Variants in ADGRD1 observed in about 807,000 individuals in gnomAD.
ADGRD1 encodes the protein adhesion G protein-coupled receptor D1, also known as G-protein coupled receptor 133.
In ADGRD1, 77 loss-of-function variants were observed where a neutral mutation model predicts 113.4. That is an observed-to-expected ratio of 0.68 (90% confidence interval 0.57 to 0.82). ADGRD1 has a LOEUF of 0.82. Among genes scored for constraint, ADGRD1 ranks in the 40% least tolerant of loss-of-function variants. The pLI, the probability that ADGRD1 is intolerant of heterozygous loss-of-function variation, is 0.00. For synonymous variants in ADGRD1, 474 were observed against 475.0 expected (o/e 1.00, Z 0.03); for missense variants, 1,036 against 1,139.1 (o/e 0.91, Z 1.30).
chr12:131,011,931 G>A (rs1877959968), intron 12 of ADGRD1, among the ~76,000 whole-genome samples: 1 of 152,218 alleles, frequency 6.6e-6, no homozygotes, highest in Admixed American at 6.5e-5. Context: ...TGCTGAGTGA[G>A]TCAGGCTGGG....
chr12:131,078,196 A>G (rs1885791796), intron 14 of ADGRD1, among the ~76,000 whole-genome samples: 1 of 152,228 alleles, frequency 6.6e-6, no homozygotes, highest in South Asian at 2.1e-4. Flanking sequence ...AGATTGCAAG[A>G]CGCTGAGCTG....
At chr12:131,114,969 T>G (rs936035209) in intron 18 of ADGRD1, among the ~76,000 whole-genome samples, 16 of 152,204 alleles carry the variant, frequency 1.1e-4, no homozygotes, top group African/African-American at 3.6e-4. Context: ...TTATTGCAAC[T>G]TAGTTTCTTT....
intron 13 of ADGRD1, among the ~76,000 whole-genome samples, chr12:131,067,497 C>G (rs1239737977): frequency 6.6e-6 from 1 of 152,112 alleles, no homozygotes; most frequent in Non-Finnish European, 1.5e-5. Context: ...TGCCCTCTGC[C>G]TCCTATATGT....
chr12:131,000,145 G>A (rs1219470348), intron 8 of ADGRD1, among the ~76,000 whole-genome samples: 4 of 152,228 alleles, frequency 2.6e-5, no homozygotes, highest in African/African-American at 4.8e-5. Flanking sequence ...TCATTCTGAC[G>A]TTCCGGTGCT....
At chr12:131,124,060 A>C (rs184248315) in intron 20 of ADGRD1, among the ~76,000 whole-genome samples, 2 of 152,148 alleles carry the variant, frequency 1.3e-5, no homozygotes, top group African/African-American at 4.8e-5. Context: ...AGGCATATCA[A>C]CCTCTGGGCC....
At chr12:131,023,790 G>T (rs1879613498) in intron 13 of ADGRD1, 1 of 152,130 alleles carries the variant, frequency 6.6e-6, no homozygotes, top group Admixed American at 6.5e-5. Flanking sequence ...TCCTGCAGTG[G>T]GCGGTCCAGC....
chr12:131,120,903 T>G lies in ADGRD1; in HGVS notation c.2165T>G (p.Phe722Cys). Reference sequence around the variant, plus strand: ...TGGGCCTTTGTAGCCCCTGCCCTGTTTGTCATCGTGGTACGTTTCCTACCC... The same window carrying G: ...TGGGCCTTTGTAGCCCCTGCCCTGTGTGTCATCGTGGTACGTTTCCTACCC... ...AIWAFVAPAL[F>C]VIVVNIGILI... is the part of the protein sequence containing the mutation. Residue 722 changes from phenylalanine (F) to cysteine (C), a missense_variant, in exon 20 of 25, where the codon TTT becomes TGT. Phe to Cys is a radical substitution (Grantham distance 205, BLOSUM62 -2). Coordinates refer to ENST00000261654, the MANE Select transcript of ADGRD1 (RefSeq NM_198827.5). 1 of 1,614,142 alleles carries G rather than the reference T, an allele frequency of 6.2e-7. No homozygotes were observed. The highest frequency in any genetic ancestry group is 1.1e-5 in the South Asian group (1 of 91,072).
chr12:131,050,052 C>T lies in ADGRD1; in HGVS notation c.1474-26749C>T, dbSNP rs995229534. Among the ~76,000 whole-genome samples, 1 of 152,212 alleles carries T rather than the reference C, an allele frequency of 6.6e-6. No homozygotes were observed. Among genetic ancestry groups the T allele is most frequent in the Non-Finnish European group, 1.5e-5 (1 of 68,046 alleles). ...TGGGAAACTGGGCACGAATGCTTCTCTTGCATAGTGCTTGGCACATAGATT... is the reference window on the plus strand; with the variant it reads ...TGGGAAACTGGGCACGAATGCTTCTTTTGCATAGTGCTTGGCACATAGATT... On this transcript the variant is annotated intron_variant, in intron 13 of 24. Transcript: ENST00000261654. The surrounding 1 kb of genome is among the most constrained non-coding windows in gnomAD (Gnocchi z 4.8).
rs1873387559 is a variant in ADGRD1 at position 130,984,512 on chromosome 12, A to T, written c.490+2449A>T. 6.6e-6 allele frequency among the ~76,000 whole-genome samples: 1 copy of T among 152,180 alleles called. No individual in the cohort carries two copies. The highest frequency in any genetic ancestry group is 2.4e-5 in the African/African-American group (1 of 41,444). The stretch of plus-strand genomic sequence containing the variant: ...CAGTTTTAGATTCACAGAAAAATTG[A>T]GTGCAAAGTTCAGAGAATTCCCATT... On this transcript the variant is annotated intron_variant, in intron 5 of 24. Transcript: ENST00000261654. The surrounding 1 kb of genome is among the most constrained non-coding windows in gnomAD (Gnocchi z 4.1).
At chr12:131,017,235 C>T (rs1566033120) in intron 13 of ADGRD1, among the ~76,000 whole-genome samples, 3 of 152,142 alleles carry the variant, frequency 2.0e-5, no homozygotes, top group South Asian at 2.1e-4. Flanking sequence ...AGTCCACACA[C>T]ACCCAGTCCA....
intron 9 of ADGRD1, among the ~76,000 whole-genome samples, 199 bp downstream of exon 9, chr12:131,000,641 T>C (rs1299781734): frequency 2.0e-5 from 3 of 150,330 alleles, no homozygotes; most frequent in Non-Finnish European, 2.9e-5. Flanking sequence ...CTCAGGAGGC[T>C]GAGGCAGGAG....
intron 20 of ADGRD1, among the ~76,000 whole-genome samples, chr12:131,125,625 C>T (rs903887625): frequency 2.6e-5 from 4 of 152,176 alleles, no homozygotes; most frequent in African/African-American, 9.7e-5. Flanking sequence ...GATACAGATG[C>T]ATTGCTATAG....
chr12:131,013,665 G>A (rs1878204456), intron 12 of ADGRD1, among the ~76,000 whole-genome samples: 1 of 152,172 alleles, frequency 6.6e-6, no homozygotes, highest in Non-Finnish European at 1.5e-5. Context: ...GCCACCTAGA[G>A]GGGAAGGCAG....
At chr12:131,090,977 G>T (rs983194380) in intron 15 of ADGRD1, among the ~76,000 whole-genome samples, 1 of 152,172 alleles carries the variant, frequency 6.6e-6, no homozygotes, top group Non-Finnish European at 1.5e-5. Context: ...ATCTCTGGGT[G>T]CTTCTAACTT....
In ADGRD1 at chr12:131,088,559, C is replaced by T. The variant is rs554752916; in HGVS notation, c.1671+3896C>T. 2.0e-5 allele frequency among the ~76,000 whole-genome samples: 3 copies of T among 152,222 alleles called. No homozygotes were observed. The East Asian group carries it at 5.8e-4, about 30-fold the overall frequency. On this transcript the variant is annotated intron_variant, in intron 15 of 24. Coordinates refer to ENST00000261654, the MANE Select transcript of ADGRD1 (RefSeq NM_198827.5). Reference sequence around the variant, plus strand: ...CTCCCGGCCCTGAGCAAGGACAGTCCGGGCAGAGGACAGGGTGGGGACGGA... The same window carrying T: ...CTCCCGGCCCTGAGCAAGGACAGTCTGGGCAGAGGACAGGGTGGGGACGGA...
At chr12:130,955,783 T>C (rs866631390) in intron 2 of ADGRD1, among the ~76,000 whole-genome samples, 2 of 79,874 alleles carry the variant, frequency 2.5e-5, no homozygotes, top group African/African-American at 4.0e-5. Context: ...AAAAAAATTA[T>C]TTTTGTTTTT....
At chr12:131,006,092 G>T (rs1355258824) in intron 12 of ADGRD1, 45 bp downstream of exon 12, 1 of 1,535,888 alleles carries the variant, frequency 6.5e-7, no homozygotes, top group Admixed American at 1.7e-5. Flanking sequence ...GTGTGCGTGG[G>T]TTTGCTGGGT....
At chr12:131,068,405 C>T (rs901935186) in intron 13 of ADGRD1, among the ~76,000 whole-genome samples, 3 of 152,172 alleles carry the variant, frequency 2.0e-5, no homozygotes, top group Admixed American at 6.5e-5. Flanking sequence ...TGTTCATCTT[C>T]CCCACCAGAC....
At chr12:131,042,938 C>T (rs1882286441) in intron 13 of ADGRD1, among the ~76,000 whole-genome samples, 1 of 152,252 alleles carries the variant, frequency 6.6e-6, no homozygotes, top group African/African-American at 2.4e-5. Flanking sequence ...GTCGGATTGT[C>T]CGCAGCTGAG....
Sources: gnomAD v4.1 joint callset for allele counts (sites outside exome capture counted in the v4.1 genomes callset) on GRCh38, gnomAD v4.1.1 for gene constraint, Gnocchi (gnomAD v3.1) non-coding constraint, MANE v1.5 for transcripts, NCBI Gene and HGNC (gene_info 2026-07-23, HGNC 2026-07-21) for gene names.